Variants in DPYSL5 observed in about 807,000 individuals in gnomAD.
DPYSL5 encodes the protein dihydropyrimidinase-related protein 5.
In DPYSL5, 9 loss-of-function variants were observed where a neutral mutation model predicts 58.4. The ratio of observed to expected loss-of-function variants is 0.15; its 90% CI spans 0.09 to 0.27. The LOEUF is 0.27. Ranked by LOEUF, DPYSL5 falls within the 10% of genes least tolerant of loss-of-function variation. The pLI, the probability that DPYSL5 is intolerant of heterozygous loss-of-function variation, is 1.00. For synonymous variants in DPYSL5, 293 were observed against 301.9 expected (o/e 0.97, Z 0.31); for missense variants, 499 against 770.6 (o/e 0.65, Z 4.17).
Position 26,877,153 on chromosome 2 carries a change from A to G in DPYSL5, c.-4-21343A>G, listed in dbSNP as rs1380905258. Among the ~76,000 whole-genome samples, 2 of 149,414 alleles carry G rather than the reference A, an allele frequency of 1.3e-5. No individual in the cohort carries two copies. The highest frequency in any genetic ancestry group is 3.0e-5 in the Non-Finnish European group (2 of 67,236). ...GGCTAATTTTTGTATTTTTAGTAGA[A>G]ACGGGGTTTCACCATGTTGGCCAGG... On this transcript the variant is annotated intron_variant, in intron 1 of 12. Transcript: ENST00000288699. The surrounding 1 kb of genome is among the most constrained non-coding windows in gnomAD (Gnocchi z 4.1).
Position 26,942,759 on chromosome 2 carries a change from G to C in DPYSL5, c.1440+9G>C. On this transcript the variant is annotated intron_variant, in intron 11 of 12. Coordinates refer to ENST00000288699, the MANE Select transcript of DPYSL5 (RefSeq NM_020134.4). This position sits in a 1 kb window ranked among gnomAD's most constrained non-coding sequence, Gnocchi z 5.9. ...TGGTCCAGAGAGAGAAGGTGAGGTG[G>C]GAGGAGGAAGATGCAGGGGTGTTGG... is the stretch of plus-strand genomic sequence containing the variant. 6.2e-7 allele frequency: 1 copy of C among 1,612,250 alleles called. No homozygotes were observed. The highest frequency in any genetic ancestry group is 8.5e-7 in the Non-Finnish European group (1 of 1,178,598).
At chr2:26,852,925 C>T (rs937872840) in intron 1 of DPYSL5, among the ~76,000 whole-genome samples, 7 of 152,174 alleles carry the variant, frequency 4.6e-5, no homozygotes, top group African/African-American at 1.7e-4. Flanking sequence ...ATCATATTCT[C>T]CCTCTAAAAT....
intron 2 of DPYSL5, among the ~76,000 whole-genome samples, chr2:26,917,228 G>C (rs76036286): frequency 6.6e-6 from 1 of 152,234 alleles, no homozygotes; most frequent in Non-Finnish European, 1.5e-5. Flanking sequence ...TGAGAGCAAA[G>C]TAAGGTCAGG....
chr2:26,876,805 C>T (rs547726413), intron 1 of DPYSL5, among the ~76,000 whole-genome samples: 48 of 152,122 alleles, frequency 3.2e-4, no homozygotes, highest in Non-Finnish European at 4.3e-4. Context: ...CGTGAGCCAC[C>T]GCGCCCGGCC....
At chr2:26,899,659 T>G (rs1176307168) in intron 2 of DPYSL5, among the ~76,000 whole-genome samples, 3 of 152,154 alleles carry the variant, frequency 2.0e-5, no homozygotes, top group African/African-American at 7.2e-5. Context: ...CAGATGGCCC[T>G]TAAGGTCTCC....
intron 2 of DPYSL5, among the ~76,000 whole-genome samples, chr2:26,922,343 T>C (rs1031833764): frequency 2.6e-5 from 4 of 152,206 alleles, no homozygotes; most frequent in African/African-American, 9.7e-5. Context: ...ATCCCTGAAG[T>C]GTAGCTCAGA....
chr2:26,911,833 C>A (rs1664448175), intron 2 of DPYSL5, among the ~76,000 whole-genome samples: 1 of 152,176 alleles, frequency 6.6e-6, no homozygotes, highest in African/African-American at 2.4e-5. Context: ...TCTCACACTG[C>A]CAGGCAAAAC....
intron 1 of DPYSL5, among the ~76,000 whole-genome samples, chr2:26,890,142 A>T (rs999299537): frequency 6.6e-6 from 1 of 152,202 alleles, no homozygotes; most frequent in Non-Finnish European, 1.5e-5. Flanking sequence ...AAAGATACCC[A>T]GTTTAGACCA....
In DPYSL5 at chr2:26,925,460, G is replaced by C. The variant is rs1306492532; in HGVS notation, c.420+415G>C. Among the ~76,000 whole-genome samples, 2 of 152,202 alleles carry C rather than the reference G, an allele frequency of 1.3e-5. No homozygotes were observed. The highest frequency in any genetic ancestry group is 2.9e-5 in the Non-Finnish European group (2 of 68,036). ...TGAGAGTCCACCACACTGCGCTGAG[G>C]TCTCCGAACTGAGGCTCCCATCCTG... is the stretch of plus-strand genomic sequence containing the variant. On this transcript the variant is annotated intron_variant, in intron 3 of 12. Coordinates refer to ENST00000288699, the MANE Select transcript of DPYSL5 (RefSeq NM_020134.4). This position sits in a 1 kb window ranked among gnomAD's most constrained non-coding sequence, Gnocchi z 4.5.
chr2:26,866,977 G>T (rs543721421), intron 1 of DPYSL5, among the ~76,000 whole-genome samples: 19 of 151,728 alleles, frequency 1.3e-4, no homozygotes, highest in African/African-American at 4.4e-4. Flanking sequence ...CAAATGATTC[G>T]CATGCCTCGG....
chr2:26,873,730 A>C (rs1391695090), intron 1 of DPYSL5, among the ~76,000 whole-genome samples: 1 of 152,208 alleles, frequency 6.6e-6, no homozygotes, highest in Non-Finnish European at 1.5e-5. Flanking sequence ...AAGAAAAAGA[A>C]TATCTCCTGA....
At position 26,934,837 on chromosome 2, in the gene DPYSL5, C is replaced by A; in HGVS notation, c.947+103C>A. 1 of 1,454,344 alleles carries A rather than the reference C, an allele frequency of 6.9e-7. No homozygotes were observed. 90.1% of individuals were successfully genotyped at this position (1,454,344 alleles called of 1,614,324 possible). A position where few individuals can be genotyped will look rare whatever the true frequency, so the allele number is the denominator to read the frequency against. ...TGAGCTAGGTTTGATTTCATTGTGC[C>A]CATAGGATCATTGTGCTTTTCTTAC... On this transcript the variant is annotated intron_variant, in intron 8 of 12. Transcript: ENST00000288699. This position sits in a 1 kb window ranked among gnomAD's most constrained non-coding sequence, Gnocchi z 4.3.
rs181418959 is a variant in DPYSL5, at chr2:26,933,972, C to T, written c.791-606C>T. 6.6e-6 allele frequency among the ~76,000 whole-genome samples: 1 copy of T among 152,254 alleles called. No individual in the cohort carries two copies. Among genetic ancestry groups the T allele is most frequent in the African/African-American group, 2.4e-5 (1 of 41,540 alleles). On this transcript the variant is annotated intron_variant, in intron 7 of 12. Transcript: ENST00000288699. This position sits in a 1 kb window ranked among gnomAD's most constrained non-coding sequence, Gnocchi z 4.2. ...GAAGCAAGGGCATCTCAGCCTTCAA[C>T]TATAATCGATCAGAAGCAAGGGCAT... is the stretch of plus-strand genomic sequence containing the variant.
At position 26,948,809 on chromosome 2, in the gene DPYSL5, A is replaced by G. The variant is rs543012184; in HGVS notation, c.*1814A>G. Reference sequence around the variant, plus strand: ...GAGGCGGAGCTTGCAGTGAGCCAAGATCACGCCACTGCACTTCAGCCTGGA... The same window carrying G: ...GAGGCGGAGCTTGCAGTGAGCCAAGGTCACGCCACTGCACTTCAGCCTGGA... On this transcript the variant is annotated 3_prime_UTR_variant, in exon 13 of 13. Transcript: ENST00000288699. The G allele has an allele frequency of 1.3e-5, 2 of 152,672 alleles. 1 individual carries two copies. Among genetic ancestry groups the G allele is most frequent in the South Asian group, 4.1e-4 (2 of 4,830 alleles). 9.5% of individuals were successfully genotyped at this position (152,672 alleles called of 1,614,324 possible). A position where few individuals can be genotyped will look rare whatever the true frequency, so the allele number is the denominator to read the frequency against.
intron 6 of DPYSL5, 76 bp downstream of exon 6, chr2:26,931,760 C>A (rs1021972250): frequency 5.9e-6 from 9 of 1,538,110 alleles, no homozygotes; most frequent in African/African-American, 2.7e-5. Context: ...GTAATCCCAG[C>A]ACTTTGGGAG....
intron 1 of DPYSL5, among the ~76,000 whole-genome samples, chr2:26,888,070 A>G (rs1663763244): frequency 6.6e-6 from 1 of 152,210 alleles, no homozygotes; most frequent in African/African-American, 2.4e-5. Flanking sequence ...GGTTCCCTTC[A>G]GTTCAAGGTC....
At chr2:26,864,642 C>A (rs1189960756) in intron 1 of DPYSL5, among the ~76,000 whole-genome samples, 1 of 152,202 alleles carries the variant, frequency 6.6e-6, no homozygotes, top group Non-Finnish European at 1.5e-5. Flanking sequence ...CATTAGGATG[C>A]AGCAGAGATC....
intron 12 of DPYSL5, among the ~76,000 whole-genome samples, chr2:26,945,293 A>T (rs1265826360): frequency 1.6e-5 from 2 of 125,930 alleles, no homozygotes; most frequent in East Asian, 2.5e-4. Flanking sequence ...CCTTTGCCTC[A>T]CCTTCACCTT....
At chr2:26,936,861 G>A (rs1301524241) in intron 8 of DPYSL5, among the ~76,000 whole-genome samples, 1 of 150,426 alleles carries the variant, frequency 6.6e-6, no homozygotes, top group Admixed American at 6.7e-5. Context: ...CAGGAGAATC[G>A]CTTGAACCCA....
Sources: gnomAD v4.1 joint callset for allele counts (sites outside exome capture counted in the v4.1 genomes callset) on GRCh38, gnomAD v4.1.1 for gene constraint, Gnocchi (gnomAD v3.1) non-coding constraint, MANE v1.5 for transcripts, NCBI Gene and HGNC (gene_info 2026-07-23, HGNC 2026-07-21) for gene names.